The following ITGA11 variants were observed in gnomAD, a reference collection of about 807,000 sequenced individuals.
ITGA11 encodes the protein integrin alpha-11.
ITGA11 carries 97 observed loss-of-function variants against 141.9 expected under a neutral mutation model. That is an observed-to-expected ratio of 0.68 (90% CI 0.58 to 0.81). ITGA11 has a LOEUF of 0.81. Ranked by LOEUF, ITGA11 falls within the 30% of genes least tolerant of loss-of-function variation. ITGA11 has a pLI of 0.00. For synonymous variants in ITGA11, 658 were observed against 624.6 expected (o/e 1.05, Z -0.80); for missense variants, 1,387 against 1,559.2 (o/e 0.89, Z 1.86).
At chr15:68,424,026 G>A (rs1897080724) in intron 1 of ITGA11, among the ~76,000 whole-genome samples, 1 of 152,204 alleles carries the variant, frequency 6.6e-6, no homozygotes, top group Non-Finnish European at 1.5e-5. Flanking sequence ...TCTGTCTGTG[G>A]ACAGCTCTGA....
At chr15:68,365,961 G>A (rs1282092586) in intron 3 of ITGA11, among the ~76,000 whole-genome samples, 1 of 152,194 alleles carries the variant, frequency 6.6e-6, no homozygotes, top group African/African-American at 2.4e-5. Context: ...AAGGCCAGCT[G>A]GTGCAGGAGT....
At chr15:68,398,308 T>A (rs1214515347) in intron 2 of ITGA11, among the ~76,000 whole-genome samples, 1 of 151,810 alleles carries the variant, frequency 6.6e-6, no homozygotes, top group Admixed American at 6.6e-5. Flanking sequence ...TGGAGGAAGA[T>A]CTACCAAGCA....
intron 23 of ITGA11, 72 bp downstream of exon 23, chr15:68,313,707 G>GC (rs368092735): frequency 0.013 from 14,641 of 1,160,884 alleles, 153 homozygotes; most frequent in Middle Eastern, 0.021. Flanking sequence ...ATCAGAGGAT[G>GC]CCCCCCCTTA....
At chr15:68,427,973 A>G (rs1216323570) in intron 1 of ITGA11, among the ~76,000 whole-genome samples, 1 of 151,992 alleles carries the variant, frequency 6.6e-6, no homozygotes, top group Non-Finnish European at 1.5e-5. Flanking sequence ...CCATTTTTGA[A>G]CCATATTAGA....
chr15:68,348,783 C>T lies in ITGA11; in HGVS notation c.1131+47G>A, dbSNP rs754431248. The T allele has an allele frequency of 4.6e-6, 7 of 1,529,560 alleles. No homozygotes were observed. The Admixed American group carries it at 9.1e-5, about 20-fold the overall frequency. The allele number at this position is 1,529,560 out of a possible 1,614,324, so 94.7% of individuals were successfully genotyped here. A position where few individuals can be genotyped will look rare whatever the true frequency, so the allele number is the denominator to read the frequency against. On this transcript the variant is annotated intron_variant, in intron 10 of 29. Transcript: ENST00000315757. ...GAGCTAGAAAGGGGAAGAGCATGCC[C>T]TCGAGAGACAGAGGCTGGGCTCTGT... is the stretch of plus-strand genomic sequence containing the variant.
rs779853318 is a variant in ITGA11 at position 68,325,148 on chromosome 15, T to C, written c.2305A>G (p.Thr769Ala). Residue 769 changes from threonine (T) to alanine (A), a missense_variant, in exon 18 of 30, where the codon ACC (threonine) becomes GCC (alanine). Transcript: ENST00000315757. The surrounding 1 kb of genome is among the most constrained non-coding windows in gnomAD (Gnocchi z 5.5). The stretch of plus-strand genomic sequence containing the variant: ...AGATGTACCGAGACTCTGAGAGTGG[T>C]GGGCCAGCCGTCGTCCAGCATGGGG... ...HGPMLDDGWP[T>A]TLRVSVPFWN... 1 of 1,613,414 alleles carries C rather than the reference T, an allele frequency of 6.2e-7. No homozygotes were observed. Among genetic ancestry groups the C allele is most frequent in the Non-Finnish European group, 8.5e-7 (1 of 1,179,658 alleles).
chr15:68,390,133 A>G (rs1896080567), intron 2 of ITGA11, among the ~76,000 whole-genome samples: 1 of 152,160 alleles, frequency 6.6e-6, no homozygotes. Context: ...TGCTAGAACC[A>G]GGGGATGTGG....
intron 13 of ITGA11, 76 bp from the exon 14 acceptor site, chr15:68,332,138 T>A (rs1056647129): frequency 1.2e-5 from 16 of 1,342,692 alleles, no homozygotes; most frequent in Non-Finnish European, 1.6e-5. Context: ...CTCTGCAGGC[T>A]GCTCCGGCAT....
chr15:68,316,317 C>T (rs149375171), intron 21 of ITGA11, among the ~76,000 whole-genome samples: 33 of 152,362 alleles, frequency 2.2e-4, no homozygotes, highest in African/African-American at 5.5e-4. Flanking sequence ...CTTCGCCCCG[C>T]GGTGGGGAAA....
rs1034068805 is a variant in ITGA11, at chr15:68,324,223, G to C, written c.2322+908C>G. Among the ~76,000 whole-genome samples, 1 of 152,052 alleles carries C rather than the reference G, an allele frequency of 6.6e-6. No individual in the cohort carries two copies. Among genetic ancestry groups the C allele is most frequent in the Admixed American group, 6.6e-5 (1 of 15,256 alleles). On this transcript the variant is annotated intron_variant, in intron 18 of 29. Coordinates refer to ENST00000315757, the MANE Select transcript of ITGA11 (RefSeq NM_001004439.2). The surrounding 1 kb of genome is among the most constrained non-coding windows in gnomAD (Gnocchi z 6.3). The stretch of plus-strand genomic sequence containing the variant: ...GTGGAGGGGCTGTGGGGGATGATGG[G>C]TGTGAATGAGAGAAGGGGAGGTTTT...
At position 68,304,179 on chromosome 15, in the gene ITGA11, A is replaced by C. The variant is rs1029064746; in HGVS notation, c.3382-294T>G. On this transcript the variant is annotated intron_variant, in intron 28 of 29. Coordinates refer to ENST00000315757, the MANE Select transcript of ITGA11 (RefSeq NM_001004439.2). This position sits in a 1 kb window ranked among gnomAD's most constrained non-coding sequence, Gnocchi z 6.1. ...GGATCCTCCTCCCACCACATGGGCT[A>C]CTCCTTCTCCCTTTGCTGCCTCCGC... 4.0e-5 allele frequency among the ~76,000 whole-genome samples: 6 copies of C among 151,890 alleles called. 1 individual carries two copies. In the Middle Eastern group the frequency reaches 0.014, roughly 344 times the overall value.
intron 2 of ITGA11, among the ~76,000 whole-genome samples, chr15:68,400,562 A>G (rs73433941): frequency 0.036 from 4,072 of 113,388 alleles, 133 homozygotes; most frequent in African/African-American, 0.082. Context: ...TATAATATAT[A>G]TAATATATAC....
Position 68,303,265 on chromosome 15 carries a change from C to A in ITGA11, c.3496-135G>T. ...AGTACCCCCAGCTCATTCTGAGCAC[C>A]CCCTCCTCCAGAACTGCCTCTGTGG... On this transcript the variant is annotated intron_variant, in intron 29 of 29. Transcript: ENST00000315757. This position sits in a 1 kb window ranked among gnomAD's most constrained non-coding sequence, Gnocchi z 5.3. 1.4e-6 allele frequency: 1 copy of A among 732,422 alleles called. No homozygotes were observed. Among genetic ancestry groups the A allele is most frequent in the Non-Finnish European group, 2.3e-6 (1 of 433,342 alleles). The allele number at this position is 732,422 out of a possible 1,614,324, so 45.4% of individuals were successfully genotyped here.
chr15:68,312,065 T>A (rs1260094056), intron 24 of ITGA11, among the ~76,000 whole-genome samples: 1 of 152,332 alleles, frequency 6.6e-6, no homozygotes, highest in East Asian at 1.9e-4. Context: ...TCACACAGCC[T>A]AAGAGAAGCT....
intron 1 of ITGA11, among the ~76,000 whole-genome samples, chr15:68,429,303 A>G (rs1299148245): frequency 6.6e-6 from 1 of 152,122 alleles, no homozygotes; most frequent in Non-Finnish European, 1.5e-5. Context: ...CAGGGCCTCC[A>G]CCCTTACGCT....
intron 10 of ITGA11, among the ~76,000 whole-genome samples, chr15:68,341,921 C>T (rs1438976324): frequency 1.3e-5 from 2 of 152,208 alleles, no homozygotes; most frequent in Admixed American, 6.5e-5. Context: ...CGATCGCTTA[C>T]AGTCTCCCAC....
chr15:68,311,468 G>A, intron 24 of ITGA11, 65 bp from the exon 25 acceptor site: 1 of 1,156,502 alleles, frequency 8.6e-7, no homozygotes, highest in Non-Finnish European at 1.3e-6. Context: ...AAGGTCCACA[G>A]GGGCCAACCA....
intron 14 of ITGA11, among the ~76,000 whole-genome samples, chr15:68,331,601 T>G (rs1026038166): frequency 6.6e-6 from 1 of 151,418 alleles, no homozygotes; most frequent in Non-Finnish European, 1.5e-5. Flanking sequence ...TGCCAGGGAC[T>G]TCTTGTTGTT....
rs544418350 is a variant in ITGA11 at position 68,305,255 on chromosome 15, T to C, written c.3382-1370A>G. On this transcript the variant is annotated intron_variant, in intron 28 of 29. Transcript: ENST00000315757. The surrounding 1 kb of genome is among the most constrained non-coding windows in gnomAD (Gnocchi z 4.6). Reference sequence around the variant, plus strand: ...ACGCAGCCACGAGACACTCCTGTCTTCCTCATGGTCTCTGTCTGATGTCAC... The same window carrying C: ...ACGCAGCCACGAGACACTCCTGTCTCCCTCATGGTCTCTGTCTGATGTCAC... 1.3e-5 allele frequency among the ~76,000 whole-genome samples: 2 copies of C among 152,338 alleles called. No individual in the cohort carries two copies. Among genetic ancestry groups the C allele is most frequent in the Admixed American group, 1.3e-4 (2 of 15,304 alleles).
Sources: allele counts gnomAD v4.1 joint callset (sites outside exome capture counted in the v4.1 genomes callset), GRCh38; gene constraint gnomAD v4.1.1; non-coding constraint Gnocchi (gnomAD v3.1); transcripts MANE v1.5; gene names NCBI Gene and HGNC (gene_info 2026-07-23, HGNC 2026-07-21).